The following UBR4 variants were observed in gnomAD, a reference collection of about 807,000 sequenced individuals.
The protein encoded by UBR4 is E3 ubiquitin-protein ligase UBR4.
UBR4 carries 124 observed loss-of-function variants against 575.6 expected under a neutral mutation model. The ratio of observed to expected loss-of-function variants is 0.22; its 90% CI spans 0.19 to 0.25. The LOEUF is 0.25. Ranked by LOEUF, UBR4 falls within the 10% of genes least tolerant of loss-of-function variation. The probability of loss-of-function intolerance (pLI) is 1.00; values close to 1 mark genes in which losing one functional copy is unlikely to be tolerated. For missense variants in UBR4, 4,818 were observed against 6,478.8 expected (o/e 0.74, Z 8.80); for synonymous variants, 2,455 against 2,473.7 (o/e 0.99, Z 0.22).
chr1:19,144,802 T>G lies in UBR4; in HGVS notation c.8051A>C (p.Gln2684Pro), dbSNP rs1489420166. 3 of 1,614,052 alleles carry G rather than the reference T, an allele frequency of 1.9e-6. No homozygotes were observed. Among genetic ancestry groups the G allele is most frequent in the Non-Finnish European group, 2.5e-6 (3 of 1,180,016 alleles). Reference sequence around the variant, plus strand: ...GCTACGTACAGGACACAAGAGCATCTGCATGTAGATCTTGGATGCTGTGTT... The same window carrying G: ...GCTACGTACAGGACACAAGAGCATCGGCATGTAGATCTTGGATGCTGTGTT... ...CINTASKIYMQMLLCPDPAVS... is the reference protein window; with the variant it reads ...CINTASKIYMPMLLCPDPAVS... The change falls in exon 54 of 106, where the codon CAG (glutamine) becomes CCG (proline). Residue 2684 changes from glutamine (Q) to proline (P), a missense_variant. Coordinates refer to ENST00000375254, the MANE Select transcript of UBR4 (RefSeq NM_020765.3).
Position 19,165,131 on chromosome 1 carries a change from G to A in UBR4, c.4312+118C>T. 8.1e-6 allele frequency: 12 copies of A among 1,482,872 alleles called. No individual in the cohort carries two copies. In the South Asian group the frequency reaches 1.4e-4, roughly 18 times the overall value. 91.9% of individuals were successfully genotyped at this position (1,482,872 alleles called of 1,614,324 possible). ...CAACTTCCTTCCAAACTTTCTCTGA[G>A]GGATTCTCTCCACTCGTTAGCATTT... On this transcript the variant is annotated intron_variant, in intron 31 of 105. Transcript: ENST00000375254.
rs557611059 is a variant in UBR4, at chr1:19,106,725, C to A, written c.12237G>T (p.Gly4079=). The A allele has an allele frequency of 1.9e-6, 3 of 1,595,820 alleles. No individual in the cohort carries two copies. In the Admixed American group the frequency reaches 5.1e-5, roughly 27 times the overall value. ...TGGGGGCTTTCCCATTGCCATCTAT[C>A]CCTGCAAGGCCAAGGGTTGCAGGGG... The part of the protein sequence containing the change: ...DAWKKCLPIR[G]IDGNGKAPSK... The change falls in exon 83 of 106, where the codon GGG becomes GGT. Residue 4079 remains glycine, a splice_region_variant and synonymous_variant. Coordinates refer to ENST00000375254, the MANE Select transcript of UBR4 (RefSeq NM_020765.3).
rs2079234531 is a variant in UBR4 at position 19,106,634 on chromosome 1, T to C, written c.12328A>G (p.Ser4110Gly). 1.9e-6 allele frequency: 3 copies of C among 1,608,104 alleles called. No individual in the cohort carries two copies. Among genetic ancestry groups the C allele is most frequent in the African/African-American group, 1.3e-5 (1 of 74,602 alleles). The change falls in exon 83 of 106, where the codon AGT becomes GGT. Residue 4110 changes from serine (S) to glycine (G), a missense_variant. By Grantham distance (56) the Ser-to-Gly change is moderately conservative. Coordinates refer to ENST00000375254, the MANE Select transcript of UBR4 (RefSeq NM_020765.3). Reference sequence around the variant, plus strand: ...GGGGAGGTCCTCTTCCCCCGACGACTCAGGAACTGTTTCCACCTCCACACA... The same window carrying C: ...GGGGAGGTCCTCTTCCCCCGACGACCCAGGAACTGTTTCCACCTCCACACA... ...KYVWRWKQFLSRRGKRTSPLD... is the reference protein window; with the variant it reads ...KYVWRWKQFLGRRGKRTSPLD...
At position 19,152,263 on chromosome 1, in the gene UBR4, G is replaced by GT. The variant is rs754398808; in HGVS notation, c.6996+49dup. On this transcript the variant is annotated intron_variant, in intron 47 of 105. Transcript: ENST00000375254. The surrounding 1 kb of genome is among the most constrained non-coding windows in gnomAD (Gnocchi z 4.4). ...AGGAGATGTGTTCTCAAACCATATT[G>GT]TTTGAGTCCTTCTACCCAGGGATTG... The GT allele has an allele frequency of 7.5e-6, 12 of 1,605,350 alleles. No individual in the cohort carries two copies. Among genetic ancestry groups the GT allele is most frequent in the Non-Finnish European group, 1.0e-5 (12 of 1,173,386 alleles).
intron 32 of UBR4, 25 bp downstream of exon 32, chr1:19,164,774 C>T (rs1423710342): frequency 3.7e-6 from 6 of 1,608,130 alleles, no homozygotes; most frequent in Non-Finnish European, 5.1e-6. Flanking sequence ...GCTAGGGAAA[C>T]ACGACAGAAA....
At chr1:19,137,279 G>A (rs1321675096) in intron 60 of UBR4, among the ~76,000 whole-genome samples, 2 of 149,574 alleles carry the variant, frequency 1.3e-5, no homozygotes, top group Non-Finnish European at 3.0e-5. Context: ...CAGCCAGGGT[G>A]ACAGAGGGAG....
At chr1:19,192,916 G>A (rs1290248721) in intron 9 of UBR4, among the ~76,000 whole-genome samples, 1 of 152,032 alleles carries the variant, frequency 6.6e-6, no homozygotes, top group Non-Finnish European at 1.5e-5. Context: ...CAGAGTAGCG[G>A]GGATTACAGG....
chr1:19,118,730 G>A, intron 71 of UBR4, 142 bp downstream of exon 71: 1 of 748,820 alleles, frequency 1.3e-6, no homozygotes, highest in South Asian at 1.8e-5. Flanking sequence ...GGCCTACATG[G>A]AGGGGATTGG....
At chr1:19,099,446 T>G (rs1301512776) in intron 90 of UBR4, 151 bp downstream of exon 90, 1 of 627,506 alleles carries the variant, frequency 1.6e-6, no homozygotes, top group African/African-American at 1.8e-5. Context: ...CAAGATTGGT[T>G]TTCTCCACAC....
chr1:19,153,386 G>A lies in UBR4; in HGVS notation c.6747C>T (p.Thr2249=). The A allele has an allele frequency of 1.2e-6, 2 of 1,614,160 alleles. No individual in the cohort carries two copies. Among genetic ancestry groups the A allele is most frequent in the South Asian group, 1.1e-5 (1 of 91,076 alleles). The stretch of plus-strand genomic sequence containing the variant: ...GCAGGGATGGCTGCAGCCAGTAGGA[G>A]GTGTTCTCCACGTTGGCCATGTAAA... ...LRIYMANVEN[T]SYWLQPSLQP... The change falls in exon 46 of 106, where the codon ACC becomes ACT. Residue 2249 remains threonine (T), a synonymous_variant. Coordinates refer to ENST00000375254, the MANE Select transcript of UBR4 (RefSeq NM_020765.3). This position sits in a 1 kb window ranked among gnomAD's most constrained non-coding sequence, Gnocchi z 4.1.
intron 92 of UBR4, 53 bp downstream of exon 92, chr1:19,096,470 G>T: frequency 5.0e-6 from 8 of 1,586,962 alleles, no homozygotes; most frequent in Non-Finnish European, 6.9e-6. Flanking sequence ...TTCCACAGGG[G>T]CCTCTCCCAG....
intron 63 of UBR4, 95 bp downstream of exon 63, chr1:19,127,528 T>C: frequency 1.1e-6 from 1 of 932,678 alleles, no homozygotes; most frequent in Non-Finnish European, 1.7e-6. Context: ...AATGGCTTTA[T>C]TCTTACAGAG....
Position 19,210,171 on chromosome 1 carries a change from G to C in UBR4, c.78C>G (p.Thr26=). Residue 26 remains threonine, a synonymous_variant, in exon 1 of 106, where the codon ACC becomes ACG. Transcript: ENST00000375254. ...GCCGCACAGCCACCTCCCAGCCCGGGGTCGTGTCCGCCCCCGTTGCCGGGG... is the reference window on the plus strand; with the variant it reads ...GCCGCACAGCCACCTCCCAGCCCGGCGTCGTGTCCGCCCCCGTTGCCGGGG... ...PGTPATGADT[T]PGWEVAVRPL... is the part of the protein sequence containing the mutation. 6.5e-7 allele frequency: 1 copy of C among 1,536,114 alleles called. No homozygotes were observed. Among genetic ancestry groups the C allele is most frequent in the Non-Finnish European group, 8.7e-7 (1 of 1,146,766 alleles).
intron 90 of UBR4, among the ~76,000 whole-genome samples, chr1:19,099,259 A>C (rs1009856919): frequency 6.6e-6 from 1 of 152,228 alleles, no homozygotes; most frequent in Non-Finnish European, 1.5e-5. Flanking sequence ...AGAGGTGTCC[A>C]TACTGAAGGG....
At chr1:19,103,539 T>C (rs2078877082) in intron 87 of UBR4, among the ~76,000 whole-genome samples, 1 of 152,170 alleles carries the variant, frequency 6.6e-6, no homozygotes, top group Non-Finnish European at 1.5e-5. Flanking sequence ...CACTCCAGCC[T>C]GGGCAACAAG....
At chr1:19,137,883 C>A in intron 60 of UBR4, 124 bp downstream of exon 60, 1 of 1,098,560 alleles carries the variant, frequency 9.1e-7, no homozygotes. Flanking sequence ...GAAGTTTACA[C>A]CTTTATATTT....
intron 60 of UBR4, among the ~76,000 whole-genome samples, chr1:19,130,269 G>T (rs1005840068): frequency 1.3e-5 from 2 of 152,158 alleles, no homozygotes; most frequent in African/African-American, 4.8e-5. Context: ...GAAAGTACAG[G>T]GTCTAGGGTT....
At chr1:19,199,626 C>G (rs752336243) in intron 3 of UBR4, 25 bp downstream of exon 3, 1 of 1,608,356 alleles carries the variant, frequency 6.2e-7, no homozygotes, top group Admixed American at 1.7e-5. Context: ...CAGAATAGGG[C>G]AAGAAATGGG....
Position 19,170,818 on chromosome 1 carries a change from T to G in UBR4, c.3587A>C (p.Gln1196Pro). 1.2e-6 allele frequency: 2 copies of G among 1,614,212 alleles called. No homozygotes were observed. Among genetic ancestry groups the G allele is most frequent in the Non-Finnish European group, 1.7e-6 (2 of 1,180,024 alleles). The change falls in exon 26 of 106, where the codon CAA (glutamine) becomes CCA (proline). Residue 1196 changes from glutamine to proline, a missense_variant. Gln to Pro is a moderately conservative substitution (Grantham distance 76). Around this residue, in one of 29 missense-constraint regions of UBR4, gnomAD observed 1,172 missense variants for 1,259.7 expected, o/e 0.93. Coordinates refer to ENST00000375254, the MANE Select transcript of UBR4 (RefSeq NM_020765.3). ...AATAGCCAAAACAGCAGCAAAGCCT[T>G]GCAGTTTCTCCTTGGAAGGTTTCTC... ...TTEKPSKEKLQGFAAVLAIGS... is the reference protein window; with the variant it reads ...TTEKPSKEKLPGFAAVLAIGS...
Sources: allele counts gnomAD v4.1 joint callset (sites outside exome capture counted in the v4.1 genomes callset), GRCh38; gene constraint gnomAD v4.1.1; regional missense constraint gnomAD v4.1.1; non-coding constraint Gnocchi (gnomAD v3.1); transcripts MANE v1.5; gene names NCBI Gene and HGNC (gene_info 2026-07-23, HGNC 2026-07-21).